The following SRSF12 variants were observed in gnomAD, a reference collection of about 807,000 sequenced individuals.
SRSF12 encodes serine/arginine-rich splicing factor 12.
A neutral mutation model predicts 34.1 loss-of-function variants in SRSF12; 21 were observed. The observed-to-expected ratio is 0.62, with a 90% confidence interval of 0.44 to 0.89. The LOEUF is 0.89. Among genes scored for constraint, SRSF12 ranks in the 40% least tolerant of loss-of-function variants. SRSF12 has a pLI of 0.00. For missense variants in SRSF12, 278 were observed against 327.8 expected (o/e 0.85, Z 1.17); for synonymous variants, 111 against 110.8 (o/e 1.00, Z -0.01).
intron 4 of SRSF12, among the ~76,000 whole-genome samples, chr6:89,100,671 G>A (rs144753840): frequency 5.7e-4 from 87 of 152,042 alleles, no homozygotes; most frequent in Middle Eastern, 3.4e-3. Context: ...AAGAGGAAAA[G>A]ACAAAACAGA....
Position 89,117,990 on chromosome 6 carries a change from CGA to C in SRSF12, c.-105_-104del. 7.9e-7 allele frequency: 1 copy of C among 1,260,964 alleles called. No individual in the cohort carries two copies. Among genetic ancestry groups the C allele is most frequent in the African/African-American group, 1.6e-5 (1 of 63,268 alleles). The allele number at this position is 1,260,964 out of a possible 1,614,324, so 78.1% of individuals were successfully genotyped here. On this transcript the variant is annotated 5_prime_UTR_variant, in exon 1 of 5. Transcript: ENST00000452027. ...ACAGGAGCTCCGCCGGCCCCCGGCG[CGA>C]CCCCCACCCCTCGGCCTCAGCCCCG...
chr6:89,113,852 T>C (rs544192227), intron 1 of SRSF12, among the ~76,000 whole-genome samples: 25 of 152,018 alleles, frequency 1.6e-4, no homozygotes, highest in Non-Finnish European at 2.9e-4. Context: ...TATGTTTCCC[T>C]GGCTGGTTTC....
In SRSF12 at chr6:89,117,901, G is replaced by T. The variant is rs1423572512; in HGVS notation, c.-14C>A. On this transcript the variant is annotated 5_prime_UTR_variant, in exon 1 of 5. Coordinates refer to ENST00000452027, the MANE Select transcript of SRSF12 (RefSeq NM_080743.5). ...GTAGCGAGACATGACCGCTTCCTCC[G>T]TTCCCTCCGGGTCTGCCCGCGGCCG... 2.6e-6 allele frequency: 4 copies of T among 1,559,182 alleles called. No individual in the cohort carries two copies. Among genetic ancestry groups the T allele is most frequent in the Non-Finnish European group, 2.6e-6 (3 of 1,155,618 alleles).
At position 89,098,838 on chromosome 6, in the gene SRSF12, A is replaced by T. The variant is rs1768374964; in HGVS notation, c.526T>A (p.Ser176Thr). 2 of 1,613,970 alleles carry T rather than the reference A, an allele frequency of 1.2e-6. No individual in the cohort carries two copies. The highest frequency in any genetic ancestry group is 8.5e-7 in the Non-Finnish European group (1 of 1,179,892). Residue 176 changes from serine (S) to threonine (T), a missense_variant, in exon 5 of 5, where the codon TCT becomes ACT. Physicochemically the swap from Ser to Thr is moderately conservative, Grantham distance 58. Coordinates refer to ENST00000452027, the MANE Select transcript of SRSF12 (RefSeq NM_080743.5). ...GACTTGGACCTTGACCGTCCTCTAGAGCCAAAATTCCTTCTTGGAGTTCTT... is the reference window on the plus strand; with the variant it reads ...GACTTGGACCTTGACCGTCCTCTAGTGCCAAAATTCCTTCTTGGAGTTCTT... ...QSRTPRRNFG[S>T]RGRSRSKSLQ... is the part of the protein sequence containing the mutation.
chr6:89,109,354 G>A (rs1272101723), intron 1 of SRSF12, among the ~76,000 whole-genome samples: 1 of 152,040 alleles, frequency 6.6e-6, no homozygotes, highest in Non-Finnish European at 1.5e-5. Flanking sequence ...TGTAGCTGCT[G>A]GGCACACAGT....
At chr6:89,109,196 G>A (rs1344741180) in intron 1 of SRSF12, among the ~76,000 whole-genome samples, 2 of 152,056 alleles carry the variant, frequency 1.3e-5, no homozygotes, top group South Asian at 2.1e-4. Flanking sequence ...ACCCCAACCC[G>A]ATGCATTAAT....
intron 1 of SRSF12, among the ~76,000 whole-genome samples, chr6:89,108,350 C>T (rs1768890029): frequency 6.6e-6 from 1 of 152,168 alleles, no homozygotes. Context: ...ATGATACAGA[C>T]AGATTATGGG....
At chr6:89,099,693 G>A (rs369480340) in intron 4 of SRSF12, among the ~76,000 whole-genome samples, 1 of 151,702 alleles carries the variant, frequency 6.6e-6, no homozygotes, top group African/African-American at 2.4e-5. Flanking sequence ...GCGCCACCAC[G>A]CCCAGCTAAC....
At chr6:89,099,014 C>T (rs1768387188) in intron 4 of SRSF12, 67 bp from the exon 5 acceptor site, 1 of 1,494,126 alleles carries the variant, frequency 6.7e-7, no homozygotes, top group Non-Finnish European at 8.9e-7. Context: ...ATAACACTTT[C>T]AGGAACTTAC....
intron 1 of SRSF12, among the ~76,000 whole-genome samples, chr6:89,117,083 T>C (rs987642519): frequency 4.6e-5 from 7 of 151,994 alleles, no homozygotes; most frequent in African/African-American, 1.7e-4. Flanking sequence ...AAGTGCTATA[T>C]GAAAAAGTCA....
At chr6:89,117,752 G>C (rs1191895514) in intron 1 of SRSF12, 71 bp downstream of exon 1, 3 of 1,455,722 alleles carry the variant, frequency 2.1e-6, no homozygotes, top group Non-Finnish European at 2.7e-6. Context: ...CCGGGCCTCG[G>C]CCGTGCTCCG....
intron 4 of SRSF12, 21 bp from the exon 5 acceptor site, chr6:89,098,968 A>G (rs767177451): frequency 6.3e-7 from 1 of 1,591,800 alleles, no homozygotes; most frequent in South Asian, 1.1e-5. Context: ...CCATAATGTT[A>G]GAGCATATAT....
At chr6:89,114,990 G>A (rs1769226533) in intron 1 of SRSF12, among the ~76,000 whole-genome samples, 2 of 152,080 alleles carry the variant, frequency 1.3e-5, no homozygotes, top group Admixed American at 1.3e-4. Context: ...TAGAGACGGT[G>A]TTTTACCATG....
intron 1 of SRSF12, among the ~76,000 whole-genome samples, chr6:89,108,882 A>ATTGAC (rs1295076524): frequency 6.6e-6 from 1 of 152,218 alleles, no homozygotes; most frequent in Non-Finnish European, 1.5e-5. Flanking sequence ...TTCAACAAAA[A>ATTGAC]TTGACTAAGC....
intron 1 of SRSF12, among the ~76,000 whole-genome samples, chr6:89,114,085 C>T (rs1349949086): frequency 6.6e-6 from 1 of 152,062 alleles, no homozygotes; most frequent in Admixed American, 6.5e-5. Flanking sequence ...CGATCTTAGG[C>T]AAAATACTTA....
rs138326523 is a variant in SRSF12 at position 89,107,584 on chromosome 6, A to T, written c.66-326T>A. On this transcript the variant is annotated intron_variant, in intron 1 of 4. Transcript: ENST00000452027. ...GTCTCTACAAAAAAATACAAAAATC[A>T]GCCAGGTGTGGTAGCGTGTGCCTGT... Among the ~76,000 whole-genome samples, 16 of 152,132 alleles carry T rather than the reference A, an allele frequency of 1.1e-4. No homozygotes were observed. The East Asian group carries it at 2.9e-3, about 28-fold the overall frequency.
intron 4 of SRSF12, among the ~76,000 whole-genome samples, chr6:89,104,649 G>A (rs1276306433): frequency 6.6e-6 from 1 of 151,896 alleles, no homozygotes; most frequent in Non-Finnish European, 1.5e-5. Flanking sequence ...ATAAACCCAA[G>A]TTAAATAACA....
At chr6:89,101,994 C>G (rs951935040) in intron 4 of SRSF12, among the ~76,000 whole-genome samples, 2 of 150,442 alleles carry the variant, frequency 1.3e-5, no homozygotes, top group Non-Finnish European at 1.5e-5. Flanking sequence ...TGGTACTTCT[C>G]GGTGAGCTGA....
chr6:89,100,003 T>C (rs1489614131), intron 4 of SRSF12, among the ~76,000 whole-genome samples: 4 of 152,062 alleles, frequency 2.6e-5, no homozygotes, highest in East Asian at 1.9e-4. Context: ...AACCAGAAAA[T>C]GGCTATTTGA....
Sources: gnomAD v4.1 joint callset for allele counts (sites outside exome capture counted in the v4.1 genomes callset) on GRCh38, gnomAD v4.1.1 for gene constraint, MANE v1.5 for transcripts, NCBI Gene and HGNC (gene_info 2026-07-23, HGNC 2026-07-21) for gene names.